Variants in ZNF385D observed in about 807,000 individuals in gnomAD.
The protein encoded by ZNF385D is zinc finger protein 659.
ZNF385D carries 15 observed loss-of-function variants against 35.8 expected under a neutral mutation model. The ratio of observed to expected loss-of-function variants is 0.42; its 90% confidence interval spans 0.28 to 0.64. The LOEUF is 0.64. Ranked by LOEUF, ZNF385D falls within the 30% of genes least tolerant of loss-of-function variation. The pLI is 0.23. For synonymous variants in ZNF385D, 212 were observed against 186.8 expected (o/e 1.13, Z -1.10); for missense variants, 474 against 494.6 (o/e 0.96, Z 0.39).
At chr3:21,570,079 TAC>T (rs1272560551) in intron 2 of ZNF385D, among the ~76,000 whole-genome samples, 1 of 149,742 alleles carries the variant, frequency 6.7e-6, no homozygotes, top group Non-Finnish European at 1.5e-5. Flanking sequence ...TAAAAAAAAT[TAC>T]ACCTTAAAAA....
chr3:21,817,208 T>G (rs918453731), intron 3 of ZNF385D, among the ~76,000 whole-genome samples: 1 of 152,206 alleles, frequency 6.6e-6, no homozygotes, highest in Non-Finnish European at 1.5e-5. Flanking sequence ...GACTTAAATG[T>G]TAGATGTAAA....
chr3:21,648,684 A>G (rs2065824963), intron 2 of ZNF385D, among the ~76,000 whole-genome samples: 1 of 152,172 alleles, frequency 6.6e-6, no homozygotes, highest in Non-Finnish European at 1.5e-5. Flanking sequence ...ATAGGAATTC[A>G]TCAAATTTGA....
At chr3:21,819,694 G>GTATATATATACGTGTATATATATACGTA (rs2073311176) in intron 3 of ZNF385D, among the ~76,000 whole-genome samples, 1 of 142,992 alleles carries the variant, frequency 7.0e-6, no homozygotes, top group Admixed American at 7.0e-5. Context: ...ATGTGTACGT[G>GTATATATATACGTGTATATATATACGTA]TGTATATATA....
chr3:21,744,090 CAT>C (rs1373468004), intron 1 of ZNF385D, among the ~76,000 whole-genome samples: 2 of 152,132 alleles, frequency 1.3e-5, no homozygotes, highest in African/African-American at 4.8e-5. Context: ...GAAGTATTGA[CAT>C]AGAGTCTACA....
chr3:21,644,616 A>G (rs890423406), intron 2 of ZNF385D, among the ~76,000 whole-genome samples: 5 of 152,218 alleles, frequency 3.3e-5, no homozygotes, highest in African/African-American at 1.2e-4. Context: ...GTTGAAGTAA[A>G]TGATGCCATT....
intron 3 of ZNF385D, among the ~76,000 whole-genome samples, chr3:21,828,072 A>G (rs1215036367): frequency 6.6e-6 from 1 of 152,212 alleles, no homozygotes; most frequent in Non-Finnish European, 1.5e-5. Flanking sequence ...AACTAAATCT[A>G]TGGGAATATT....
chr3:22,345,860 T>A (rs1224503539), intron 2 of ZNF385D, among the ~76,000 whole-genome samples: 1 of 152,150 alleles, frequency 6.6e-6, no homozygotes, highest in African/African-American at 2.4e-5. Context: ...AACATGAAGG[T>A]ATAAAGTCTG....
chr3:21,811,947 T>C (rs12485836), intron 3 of ZNF385D, among the ~76,000 whole-genome samples: 13,618 of 152,242 alleles, frequency 0.089, 738 homozygotes, highest in Middle Eastern at 0.13. Context: ...AACAGACATT[T>C]TGTGCCTTCA....
chr3:21,759,793 AAG>A (rs1559594313), intron 3 of ZNF385D, among the ~76,000 whole-genome samples: 1 of 152,212 alleles, frequency 6.6e-6, no homozygotes, highest in Non-Finnish European at 1.5e-5. Context: ...CCTTTAAAAA[AAG>A]AGATTCTTCA....
At chr3:22,060,995 A>G (rs1184029609) in intron 3 of ZNF385D, among the ~76,000 whole-genome samples, 3 of 152,124 alleles carry the variant, frequency 2.0e-5, no homozygotes, top group Non-Finnish European at 4.4e-5. Context: ...TGTTAAATAA[A>G]TGTATAATAA....
Position 21,602,517 on chromosome 3 carries a change from C to CTTTTTTTTTTT in ZNF385D, c.166-37844_166-37834dup, listed in dbSNP as rs746138066. ...TAGGTCTCCTGTTTCCCTGCATTTT[C>CTTTTTTTTTTT]TTTTTTTTTTTTTTTTTTTTTTTTT... On this transcript the variant is annotated intron_variant, in intron 2 of 7. Coordinates refer to ENST00000281523, the MANE Select transcript of ZNF385D (RefSeq NM_024697.3). 2.1e-3 allele frequency among the ~76,000 whole-genome samples: 131 copies of CTTTTTTTTTTT among 62,702 alleles called. 26 individuals are homozygous for CTTTTTTTTTTT. Among genetic ancestry groups the CTTTTTTTTTTT allele is most frequent in the African/African-American group, 7.8e-3 (103 of 13,232 alleles). The allele number at this position is 62,702 out of a possible 152,430, so 41.1% of individuals were successfully genotyped here. A position where few individuals can be genotyped will look rare whatever the true frequency, so the allele number is the denominator to read the frequency against.
At chr3:21,514,592 C>T (rs1173666822) in intron 3 of ZNF385D, among the ~76,000 whole-genome samples, 1 of 152,046 alleles carries the variant, frequency 6.6e-6, no homozygotes, top group Non-Finnish European at 1.5e-5. Flanking sequence ...AAGTCAACCA[C>T]AGGCAGCCAA....
intron 2 of ZNF385D, among the ~76,000 whole-genome samples, chr3:22,231,780 A>G (rs1339799587): frequency 6.6e-6 from 1 of 152,052 alleles, no homozygotes; most frequent in Non-Finnish European, 1.5e-5. Flanking sequence ...GTAATTCCCA[A>G]TGTTGAAGGT....
At chr3:22,079,958 G>A (rs1700664302) in intron 3 of ZNF385D, among the ~76,000 whole-genome samples, 1 of 151,840 alleles carries the variant, frequency 6.6e-6, no homozygotes, top group African/African-American at 2.4e-5. Context: ...AGATAGATAG[G>A]TATTCTAAAA....
At chr3:21,836,400 A>C (rs1396048175) in intron 3 of ZNF385D, among the ~76,000 whole-genome samples, 5 of 152,114 alleles carry the variant, frequency 3.3e-5, no homozygotes, top group Non-Finnish European at 7.4e-5. Context: ...CTGCATATTC[A>C]ACAAACAAGA....
intron 3 of ZNF385D, among the ~76,000 whole-genome samples, chr3:21,855,958 T>C (rs574217126): frequency 1.1e-4 from 16 of 152,168 alleles, no homozygotes; most frequent in African/African-American, 3.6e-4. Flanking sequence ...GGATGAAATC[T>C]GTCTATCAAT....
chr3:21,680,754 A>G (rs183825978), intron 1 of ZNF385D, among the ~76,000 whole-genome samples: 1 of 152,280 alleles, frequency 6.6e-6, no homozygotes, highest in East Asian at 1.9e-4. Context: ...CTTGATAACA[A>G]CTGTTTATGG....
chr3:22,021,322 G>C (rs1225248709), intron 3 of ZNF385D, among the ~76,000 whole-genome samples: 1 of 151,940 alleles, frequency 6.6e-6, no homozygotes, highest in African/African-American at 2.4e-5. Flanking sequence ...AAACCTCAAA[G>C]CTTGTGGGGG....
intron 1 of ZNF385D, among the ~76,000 whole-genome samples, chr3:21,710,775 T>C (rs1395599947): frequency 2.6e-5 from 4 of 152,146 alleles, no homozygotes; most frequent in Admixed American, 2.0e-4. Flanking sequence ...TCCAAAGAAG[T>C]TATGTAACCT....
Sources: gnomAD v4.1 joint callset for allele counts (sites outside exome capture counted in the v4.1 genomes callset) on GRCh38, gnomAD v4.1.1 for gene constraint, MANE v1.5 for transcripts, NCBI Gene and HGNC (gene_info 2026-07-23, HGNC 2026-07-21) for gene names.